Variants in LRP6 observed in about 807,000 individuals in gnomAD.
The protein encoded by LRP6 is LDL receptor related protein 6, also known as low-density lipoprotein receptor-related protein 6.
A neutral mutation model predicts 184.1 loss-of-function variants in LRP6; 43 were observed. The observed-to-expected ratio is 0.23, with a 90% CI of 0.18 to 0.30. The LOEUF is 0.30. LRP6 is among the 10% of genes least tolerant of loss of function. LRP6 has a pLI of 1.00. For missense variants in LRP6, 1,571 were observed against 2,005.3 expected (o/e 0.78, Z 4.14); for synonymous variants, 719 against 684.9 (o/e 1.05, Z -0.78).
intron 18 of LRP6, 151 bp from the exon 19 acceptor site, chr12:12,131,044 TGA>T (rs913004258): frequency 6.3e-5 from 36 of 568,206 alleles, no homozygotes; most frequent in African/African-American, 5.6e-4. Context: ...TTCCATTGGT[TGA>T]GAGAGAGAAA....
In LRP6 at chr12:12,164,509, T is replaced by C. The variant is rs1210863313; in HGVS notation, c.1816A>G (p.Arg606Gly). 2 of 1,614,146 alleles carry C rather than the reference T, an allele frequency of 1.2e-6. No homozygotes were observed. Among genetic ancestry groups the C allele is most frequent in the South Asian group, 2.2e-5 (2 of 91,086 alleles). ...NGGCSHLCLY[R>G]PQGLRCACPI... ...CAAGCACAGCGAAGGCCCTGAGGTC[T>C]ATAGAGGCAGAGATGGCTACATCCC... Residue 606 changes from arginine (R) to glycine (G), a missense_variant, in exon 9 of 23, where the codon AGA becomes GGA. Coordinates refer to ENST00000261349, the MANE Select transcript of LRP6 (RefSeq NM_002336.3).
At chr12:12,127,250 G>C (rs916036337) in intron 19 of LRP6, among the ~76,000 whole-genome samples, 3 of 152,044 alleles carry the variant, frequency 2.0e-5, no homozygotes, top group Non-Finnish European at 4.4e-5. Context: ...TAAATAAACA[G>C]ATAAAATCCA....
At chr12:12,223,099 G>C (rs1314558618) in intron 2 of LRP6, among the ~76,000 whole-genome samples, 3 of 142,432 alleles carry the variant, frequency 2.1e-5, no homozygotes, top group Non-Finnish European at 4.5e-5. Context: ...GTTAAGAATA[G>C]TAACAATTAT....
intron 1 of LRP6, among the ~76,000 whole-genome samples, chr12:12,247,511 C>A: frequency 6.6e-6 from 1 of 152,238 alleles, no homozygotes; most frequent in East Asian, 1.9e-4. Flanking sequence ...CAAAGTTAAT[C>A]TTTTTTAAGT....
Position 12,120,911 on chromosome 12 carries a change from A to G in LRP6, c.*215T>C. 2.3e-6 allele frequency: 1 copy of G among 425,966 alleles called. No individual in the cohort carries two copies. Among genetic ancestry groups the G allele is most frequent in the East Asian group, 3.6e-5 (1 of 27,802 alleles). 26.4% of individuals were successfully genotyped at this position (425,966 alleles called of 1,614,324 possible). A position where few individuals can be genotyped will look rare whatever the true frequency, so the allele number is the denominator to read the frequency against. ...ACAAATTTTTTTTATACAAACTTTT[A>G]TGGCACAAGCAGCAAATCTGCTGTT... On this transcript the variant is annotated 3_prime_UTR_variant, in exon 23 of 23. Transcript: ENST00000261349.
chr12:12,216,477 A>G (rs1393614331), intron 2 of LRP6, among the ~76,000 whole-genome samples: 1 of 152,166 alleles, frequency 6.6e-6, no homozygotes. Flanking sequence ...GCTACTTAGA[A>G]GGCAGAATAA....
At chr12:12,259,044 C>T (rs995769908) in intron 1 of LRP6, among the ~76,000 whole-genome samples, 75 of 152,260 alleles carry the variant, frequency 4.9e-4, no homozygotes, top group African/African-American at 1.7e-3. Context: ...GGTGGACCAC[C>T]TGAGGTCAGG....
At chr12:12,227,690 T>G (rs570454311) in intron 2 of LRP6, among the ~76,000 whole-genome samples, 1 of 152,210 alleles carries the variant, frequency 6.6e-6, no homozygotes, top group South Asian at 2.1e-4. Context: ...ATTACAGACT[T>G]AAGTCACCAC....
chr12:12,155,813 A>AT, intron 12 of LRP6: 3 of 707,758 alleles, frequency 4.2e-6, no homozygotes, highest in Admixed American at 2.3e-5. Context: ...CTGTTAAAAA[A>AT]AAAAAAAAGG....
intron 1 of LRP6, among the ~76,000 whole-genome samples, chr12:12,246,952 T>C (rs1327942203): frequency 6.6e-6 from 1 of 152,226 alleles, no homozygotes; most frequent in African/African-American, 2.4e-5. Flanking sequence ...CCAACTTTCT[T>C]AGTCAAAAAC....
At chr12:12,244,169 C>G in intron 2 of LRP6, 93 bp downstream of exon 2, 1 of 1,285,102 alleles carries the variant, frequency 7.8e-7, no homozygotes, top group South Asian at 1.2e-5. Context: ...TGTTTTCGAT[C>G]TTTCTTTTCT....
chr12:12,155,211 C>G (rs917859488), intron 12 of LRP6: 2 of 643,040 alleles, frequency 3.1e-6, no homozygotes, highest in Non-Finnish European at 5.8e-6. Context: ...AACAAACAAA[C>G]AAACAAAAAG....
chr12:12,210,626 C>G (rs543281579), intron 2 of LRP6, among the ~76,000 whole-genome samples: 18 of 152,278 alleles, frequency 1.2e-4, no homozygotes, highest in Middle Eastern at 3.4e-3. Flanking sequence ...TTGAGCCATG[C>G]TAATTCTAAG....
chr12:12,254,700 C>T (rs774081350), intron 1 of LRP6, among the ~76,000 whole-genome samples: 4 of 152,166 alleles, frequency 2.6e-5, no homozygotes, highest in Non-Finnish European at 5.9e-5. Context: ...TCAGGTATGA[C>T]CAAATACTTC....
At chr12:12,241,792 T>C (rs1865072496) in intron 2 of LRP6, among the ~76,000 whole-genome samples, 1 of 152,206 alleles carries the variant, frequency 6.6e-6, no homozygotes, top group Non-Finnish European at 1.5e-5. Flanking sequence ...TAAATAACAC[T>C]ACCTTCTACC....
At chr12:12,136,365 A>T (rs1389529187) in intron 16 of LRP6, among the ~76,000 whole-genome samples, 1 of 151,984 alleles carries the variant, frequency 6.6e-6, no homozygotes, top group Non-Finnish European at 1.5e-5. Context: ...TTAAAGAGTT[A>T]TTAGAAGAAA....
chr12:12,140,605 C>T (rs1591877749), intron 15 of LRP6, among the ~76,000 whole-genome samples: 1 of 137,948 alleles, frequency 7.2e-6, no homozygotes, highest in Non-Finnish European at 1.6e-5. Context: ...TTTTAAAAAT[C>T]TTTTTTTTTT....
intron 13 of LRP6, 122 bp from the exon 14 acceptor site, chr12:12,149,275 G>A: frequency 1.3e-6 from 1 of 796,934 alleles, no homozygotes; most frequent in African/African-American, 1.7e-5. Context: ...AAGTCTTAAG[G>A]AGTATTTCTT....
chr12:12,172,569 G>GAA (rs1252524093), intron 7 of LRP6, among the ~76,000 whole-genome samples: 1 of 152,188 alleles, frequency 6.6e-6, no homozygotes, highest in African/African-American at 2.4e-5. Context: ...TTCTAGAAGA[G>GAA]AAACTCAAAT....
Sources: allele counts gnomAD v4.1 joint callset (sites outside exome capture counted in the v4.1 genomes callset), GRCh38; gene constraint gnomAD v4.1.1; transcripts MANE v1.5; gene names NCBI Gene and HGNC (gene_info 2026-07-23, HGNC 2026-07-21).